SYNJ2BP: variants seen among roughly 807,000 people sequenced by gnomAD.
SYNJ2BP encodes the protein synaptojanin-2-binding protein.
Under a neutral mutation model 16.9 loss-of-function variants are expected in SYNJ2BP, and 10 were observed. The ratio of observed to expected loss-of-function variants is 0.59; its 90% CI spans 0.36 to 1.00. The LOEUF is 1.00. Among genes scored for constraint, SYNJ2BP ranks in the 50% least tolerant of loss-of-function variants. The probability of loss-of-function intolerance (pLI) is 0.01; values close to 1 mark genes in which losing one functional copy is unlikely to be tolerated. For synonymous variants in SYNJ2BP, 54 were observed against 68.4 expected (o/e 0.79, Z 1.04); for missense variants, 162 against 186.7 (o/e 0.87, Z 0.77).
intron 2 of SYNJ2BP, among the ~76,000 whole-genome samples, chr14:70,386,237 C>T (rs1887855865): frequency 6.6e-6 from 1 of 152,194 alleles, no homozygotes; most frequent in Non-Finnish European, 1.5e-5. Context: ...CAAGTTGATT[C>T]ATATTGGATG....
intron 1 of SYNJ2BP, among the ~76,000 whole-genome samples, chr14:70,395,968 T>C (rs1888082445): frequency 1.3e-5 from 2 of 151,924 alleles, no homozygotes; most frequent in Admixed American, 6.6e-5. Flanking sequence ...CAGAATTTCA[T>C]TCTTTTTTTT....
intron 1 of SYNJ2BP, among the ~76,000 whole-genome samples, chr14:70,414,186 CCTTT>C (rs1888552317): frequency 6.6e-6 from 1 of 152,124 alleles, no homozygotes; most frequent in African/African-American, 2.4e-5. Context: ...GAACTTGAAA[CCTTT>C]CTTTGTTAAC....
intron 2 of SYNJ2BP, among the ~76,000 whole-genome samples, chr14:70,376,204 C>G (rs1464624631): frequency 6.6e-6 from 1 of 152,242 alleles, no homozygotes; most frequent in Non-Finnish European, 1.5e-5. Context: ...CTCTATGAAA[C>G]TCTCCACCAA....
chr14:70,382,207 G>C (rs956802438), intron 2 of SYNJ2BP, among the ~76,000 whole-genome samples: 3 of 152,172 alleles, frequency 2.0e-5, no homozygotes, highest in African/African-American at 7.2e-5. Context: ...ATGCATTCCA[G>C]TCTAGGTGAC....
At chr14:70,398,331 C>G (rs754757837) in intron 1 of SYNJ2BP, among the ~76,000 whole-genome samples, 8 of 152,174 alleles carry the variant, frequency 5.3e-5, no homozygotes, top group Non-Finnish European at 1.2e-4. Context: ...CAGGGACCAA[C>G]CCCCTTCCAC....
At chr14:70,394,763 T>C (rs1219232729) in intron 1 of SYNJ2BP, among the ~76,000 whole-genome samples, 1 of 152,216 alleles carries the variant, frequency 6.6e-6, no homozygotes, top group African/African-American at 2.4e-5. Context: ...AGCTAATGTT[T>C]ACCAAGACCT....
At chr14:70,415,172 C>CCA (rs1888575086) in intron 1 of SYNJ2BP, among the ~76,000 whole-genome samples, 5 of 8,956 alleles carry the variant, frequency 5.6e-4, no homozygotes, top group African/African-American at 1.1e-3. Flanking sequence ...GACCTCGTCT[C>CCA]TAAAAAAAAA....
At chr14:70,400,514 T>C (rs1361850303) in intron 1 of SYNJ2BP, among the ~76,000 whole-genome samples, 1 of 151,250 alleles carries the variant, frequency 6.6e-6, no homozygotes, top group Non-Finnish European at 1.5e-5. Context: ...GTTCACTTTA[T>C]AAAAAAAAAC....
Position 70,369,834 on chromosome 14 carries a change from T to A in SYNJ2BP, c.*3157A>T, listed in dbSNP as rs1887479462. 1 of 152,204 alleles carries A rather than the reference T, an allele frequency of 6.6e-6. No individual in the cohort carries two copies. Among genetic ancestry groups the A allele is most frequent in the African/African-American group, 2.4e-5 (1 of 41,460 alleles). The allele number at this position is 152,204 out of a possible 1,614,324, so 9.4% of individuals were successfully genotyped here. ...GTAATACAGAATGATAGAGAAATGT[T>A]TTAAGTACTTAAAAATACCTTCGTT... On this transcript the variant is annotated 3_prime_UTR_variant, in exon 4 of 4. Coordinates refer to ENST00000256366, the MANE Select transcript of SYNJ2BP (RefSeq NM_018373.3).
chr14:70,370,488 C>T lies in SYNJ2BP; in HGVS notation c.*2503G>A, dbSNP rs1887495359. ...ATTGAATAGTTGATGTCAAAAGGCA[C>T]TTTATGTCAGGACTGTTTAAAGCAA... is the stretch of plus-strand genomic sequence containing the variant. On this transcript the variant is annotated 3_prime_UTR_variant, in exon 4 of 4. Transcript: ENST00000256366. 1 of 152,176 alleles carries T rather than the reference C, an allele frequency of 6.6e-6. No homozygotes were observed. Among genetic ancestry groups the T allele is most frequent in the Non-Finnish European group, 1.5e-5 (1 of 68,046 alleles). 9.4% of individuals were successfully genotyped at this position (152,176 alleles called of 1,614,324 possible).
In SYNJ2BP at chr14:70,388,461, C is replaced by T. The variant is rs768103392; in HGVS notation, c.201+9G>A. ...AAGGACAGTGAAGGAGGCCGAAGCC[C>T]ATTCTCACCGAAAGGATCTTATCAC... On this transcript the variant is annotated intron_variant, in intron 2 of 3. Transcript: ENST00000256366. 3.2e-6 allele frequency: 5 copies of T among 1,549,722 alleles called. No homozygotes were observed. The East Asian group carries it at 9.5e-5, about 29-fold the overall frequency.
intron 2 of SYNJ2BP, among the ~76,000 whole-genome samples, chr14:70,384,704 C>T (rs1303206148): frequency 6.6e-6 from 1 of 151,538 alleles, no homozygotes; most frequent in East Asian, 1.9e-4. Flanking sequence ...TCTGGCACTT[C>T]CCCCTACTCT....
intron 1 of SYNJ2BP, among the ~76,000 whole-genome samples, chr14:70,408,014 A>G (rs765654338): frequency 9.2e-5 from 14 of 152,228 alleles, no homozygotes; most frequent in Non-Finnish European, 1.3e-4. Flanking sequence ...ATTGGAATTG[A>G]AAATTACACC....
chr14:70,379,123 A>G (rs1887694627), intron 2 of SYNJ2BP, among the ~76,000 whole-genome samples: 1 of 152,180 alleles, frequency 6.6e-6, no homozygotes, highest in South Asian at 2.1e-4. Context: ...TCAATTTAGA[A>G]GACTCTTGGT....
chr14:70,410,772 C>T (rs1888455640), intron 1 of SYNJ2BP, among the ~76,000 whole-genome samples: 2 of 152,088 alleles, frequency 1.3e-5, no homozygotes, highest in African/African-American at 4.8e-5. Context: ...GAAGAGAAAA[C>T]CAAATACCAC....
At chr14:70,399,660 G>C (rs2332373) in intron 1 of SYNJ2BP, among the ~76,000 whole-genome samples, 94,976 of 152,162 alleles carry the variant, frequency 0.62, 30,669 homozygotes, top group Non-Finnish European at 0.71. Flanking sequence ...GCACTGCCAT[G>C]AATTCCCCCT....
At chr14:70,395,880 A>T (rs150150807) in intron 1 of SYNJ2BP, among the ~76,000 whole-genome samples, 14 of 152,344 alleles carry the variant, frequency 9.2e-5, no homozygotes, top group African/African-American at 3.4e-4. Context: ...GTAGAATCAC[A>T]CAATATTTGT....
At chr14:70,408,488 T>C (rs1422167536) in intron 1 of SYNJ2BP, among the ~76,000 whole-genome samples, 1 of 152,060 alleles carries the variant, frequency 6.6e-6, no homozygotes, top group Non-Finnish European at 1.5e-5. Flanking sequence ...CTGGCCAACA[T>C]GGTGAAACCC....
intron 1 of SYNJ2BP, among the ~76,000 whole-genome samples, chr14:70,395,825 ACTTT>A (rs1423026135): frequency 6.6e-6 from 1 of 152,108 alleles, no homozygotes; most frequent in Non-Finnish European, 1.5e-5. Flanking sequence ...CATCTATTAT[ACTTT>A]CTGTCTATAT....
Sources: allele counts gnomAD v4.1 joint callset (sites outside exome capture counted in the v4.1 genomes callset), GRCh38; gene constraint gnomAD v4.1.1; transcripts MANE v1.5; gene names NCBI Gene and HGNC (gene_info 2026-07-23, HGNC 2026-07-21).